Variants in SLC24A2 observed in about 807,000 individuals in gnomAD.
SLC24A2 encodes the protein solute carrier family 24 member 2.
SLC24A2 carries 36 observed loss-of-function variants against 62.0 expected under a neutral mutation model. The ratio of observed to expected loss-of-function variants is 0.58; its 90% CI spans 0.44 to 0.77. The LOEUF is 0.77. Among genes scored for constraint, SLC24A2 ranks in the 30% least tolerant of loss-of-function variants. The pLI, the probability that SLC24A2 is intolerant of heterozygous loss-of-function variation, is 0.00. For missense variants in SLC24A2, 846 were observed against 817.9 expected, an observed-to-expected ratio of 1.03 and a Z score of -0.42; for synonymous variants, 358 against 294.0, an observed-to-expected ratio of 1.22 and a Z score of -2.23.
the SLC24A2 span, among the ~76,000 whole-genome samples, chr9:20,097,295 G>GTGAA: frequency 2.0e-5 from 3 of 152,134 alleles, no homozygotes; most frequent in Non-Finnish European, 4.4e-5. Context: ...ATATCTTGAG[G>GTGAA]TGAATTCTGA....
chr9:20,247,165 A>C, the SLC24A2 span, among the ~76,000 whole-genome samples: 9 of 152,318 alleles, frequency 5.9e-5, no homozygotes, highest in African/African-American at 1.9e-4. Flanking sequence ...CAGTGGCATA[A>C]AAGTCAGGGC....
the SLC24A2 span, among the ~76,000 whole-genome samples, chr9:20,055,873 A>C: frequency 6.6e-6 from 1 of 152,162 alleles, no homozygotes. Flanking sequence ...TGGGTGACAG[A>C]GTGAGACTCT....
intron 8 of SLC24A2, among the ~76,000 whole-genome samples, chr9:19,532,685 G>T (rs1209127956): frequency 6.6e-6 from 1 of 152,142 alleles, no homozygotes; most frequent in Admixed American, 6.5e-5. Context: ...TTCTAGCTGG[G>T]TGTGCTTGAA....
At chr9:19,820,204 T>C in the SLC24A2 span, among the ~76,000 whole-genome samples, 1 of 150,226 alleles carries the variant, frequency 6.7e-6, no homozygotes, top group Non-Finnish European at 1.5e-5. Flanking sequence ...AAATATCATA[T>C]GTTCTCACTG....
intron 9 of SLC24A2, among the ~76,000 whole-genome samples, chr9:19,524,849 G>C (rs991791751): frequency 5.3e-5 from 8 of 152,094 alleles, no homozygotes; most frequent in African/African-American, 1.9e-4. Context: ...AAAAGAAAAA[G>C]ATGGAACCCT....
intron 2 of SLC24A2, among the ~76,000 whole-genome samples, chr9:19,660,387 CA>C (rs1206995444): frequency 2.0e-5 from 3 of 152,144 alleles, no homozygotes; most frequent in Admixed American, 6.6e-5. Context: ...CACCACAGGT[CA>C]GTTGTGATTC....
intron 9 of SLC24A2, among the ~76,000 whole-genome samples, chr9:19,523,774 T>C (rs1038904019): frequency 2.0e-5 from 3 of 152,104 alleles, no homozygotes; most frequent in Admixed American, 6.5e-5. Context: ...AAAAACCAGA[T>C]TTTATAACTC....
chr9:19,865,950 C>G, the SLC24A2 span, among the ~76,000 whole-genome samples: 14 of 152,192 alleles, frequency 9.2e-5, no homozygotes, highest in Non-Finnish European at 2.1e-4. Flanking sequence ...AACTAGCCAT[C>G]TGACAAGGGA....
chr9:20,055,444 A>T, the SLC24A2 span, among the ~76,000 whole-genome samples: 1 of 152,200 alleles, frequency 6.6e-6, no homozygotes, highest in Non-Finnish European at 1.5e-5. Flanking sequence ...TATAATTTTC[A>T]TGACAACTGT....
the SLC24A2 span, among the ~76,000 whole-genome samples, chr9:19,959,206 G>C: frequency 6.6e-6 from 1 of 152,182 alleles, no homozygotes; most frequent in African/African-American, 2.4e-5. Flanking sequence ...GAGAAAAAGA[G>C]GGACCTGGGA....
intron 2 of SLC24A2, among the ~76,000 whole-genome samples, chr9:19,697,715 T>C (rs1244804508): frequency 6.6e-6 from 1 of 152,190 alleles, no homozygotes; most frequent in African/African-American, 2.4e-5. Context: ...AAAATAATCA[T>C]GTTCATCTTT....
At chr9:19,598,431 C>T (rs2132903502) in intron 4 of SLC24A2, among the ~76,000 whole-genome samples, 1 of 152,212 alleles carries the variant, frequency 6.6e-6, no homozygotes, top group African/African-American at 2.4e-5. Context: ...TTGTATGATA[C>T]ATCATTTACA....
At chr9:20,151,491 T>C in the SLC24A2 span, among the ~76,000 whole-genome samples, 1 of 151,838 alleles carries the variant, frequency 6.6e-6, no homozygotes, top group African/African-American at 2.4e-5. Context: ...GGGACCACCA[T>C]CTGTAAGTGC....
At chr9:19,554,380 G>T (rs1369435441) in intron 7 of SLC24A2, among the ~76,000 whole-genome samples, 1 of 152,192 alleles carries the variant, frequency 6.6e-6, no homozygotes, top group Non-Finnish European at 1.5e-5. Context: ...AAGCAATCTA[G>T]AGATGATTTA....
chr9:20,159,177 C>T, the SLC24A2 span, among the ~76,000 whole-genome samples: 89,868 of 151,558 alleles, frequency 0.59, 28,998 homozygotes, highest in Non-Finnish European at 0.75. Flanking sequence ...AAATCTTCAA[C>T]GTGCAGTAAT....
At chr9:20,035,223 C>T in the SLC24A2 span, among the ~76,000 whole-genome samples, 20 of 151,972 alleles carry the variant, frequency 1.3e-4, no homozygotes, top group African/African-American at 3.1e-4. Flanking sequence ...ATTTTACACC[C>T]GGAATGAAGT....
chr9:20,212,858 T>A, the SLC24A2 span, among the ~76,000 whole-genome samples: 1 of 151,734 alleles, frequency 6.6e-6, no homozygotes. Flanking sequence ...AAAACAGAAA[T>A]TTTATCAATC....
chr9:19,951,737 T>C, the SLC24A2 span, among the ~76,000 whole-genome samples: 1 of 152,158 alleles, frequency 6.6e-6, no homozygotes, highest in Non-Finnish European at 1.5e-5. Flanking sequence ...TGGATTATTG[T>C]GGCTTTGTAA....
At chr9:19,568,201 A>G (rs1247491814) in intron 7 of SLC24A2, among the ~76,000 whole-genome samples, 1 of 152,210 alleles carries the variant, frequency 6.6e-6, no homozygotes, top group East Asian at 1.9e-4. Context: ...AGGTGGCCTG[A>G]TCATCCCGCG....
Sources: allele counts gnomAD v4.1 joint callset (sites outside exome capture counted in the v4.1 genomes callset), GRCh38; gene constraint gnomAD v4.1.1; transcripts MANE v1.5; gene names NCBI Gene and HGNC (gene_info 2026-07-23, HGNC 2026-07-21).